Variants in DFFB observed in about 807,000 individuals in gnomAD.
DFFB encodes the protein DNA fragmentation factor subunit beta.
DFFB carries 29 observed loss-of-function variants against 32.7 expected under a neutral mutation model. That is an observed-to-expected ratio of 0.89 (90% CI 0.66 to 1.21). DFFB has a LOEUF of 1.21. DFFB is among the 50% of genes most tolerant of loss of function. The pLI, the probability that DFFB is intolerant of heterozygous loss-of-function variation, is 0.00. For missense variants in DFFB, 398 were observed against 440.6 expected, an observed-to-expected ratio of 0.90 and a Z score of 0.87; for synonymous variants, 170 against 177.1, an observed-to-expected ratio of 0.96 and a Z score of 0.32.
intron 6 of DFFB, among the ~76,000 whole-genome samples, chr1:3,874,770 GCA>G (rs1557723960): frequency 2.1e-5 from 3 of 142,368 alleles, no homozygotes; most frequent in Non-Finnish European, 3.1e-5. Context: ...TTTACCACAC[GCA>G]TGTGAATTTA....
At chr1:3,870,637 A>G (rs565173985) in intron 5 of DFFB, among the ~76,000 whole-genome samples, 1 of 152,308 alleles carries the variant, frequency 6.6e-6, no homozygotes, top group Admixed American at 6.5e-5. Flanking sequence ...TGCACAATGG[A>G]AGGTGAAAGA....
chr1:3,859,775 T>C (rs1453107233), intron 2 of DFFB, among the ~76,000 whole-genome samples: 1 of 152,246 alleles, frequency 6.6e-6, no homozygotes, highest in East Asian at 1.9e-4. Context: ...AATGTATCAC[T>C]GTGATGCCCC....
At chr1:3,867,153 C>A (rs1299222992) in intron 3 of DFFB, among the ~76,000 whole-genome samples, 1 of 152,256 alleles carries the variant, frequency 6.6e-6, no homozygotes, top group Non-Finnish European at 1.5e-5. Context: ...GCCTCGGCCT[C>A]CCAAAGTGCT....
Position 3,868,034 on chromosome 1 carries a change from T to C in DFFB, c.491T>C (p.Ile164Thr). 1 of 1,614,070 alleles carries C rather than the reference T, an allele frequency of 6.2e-7. No individual in the cohort carries two copies. Among genetic ancestry groups the C allele is most frequent in the Non-Finnish European group, 8.5e-7 (1 of 1,179,970 alleles). The part of the protein sequence containing the change: ...GYLRYSCESR[I>T]RSYLREVSSY... ...CTGAGATACAGCTGTGAGAGCCGGATCCGGAGTTACCTGAGGGAGGTGAGC... is the reference window on the plus strand; with the variant it reads ...CTGAGATACAGCTGTGAGAGCCGGACCCGGAGTTACCTGAGGGAGGTGAGC... The change falls in exon 4 of 7, where the codon ATC (isoleucine) becomes ACC (threonine). Residue 164 changes from isoleucine (I) to threonine (T), a missense_variant. Transcript: ENST00000378209.
chr1:3,883,564 T>C lies in DFFB; in HGVS notation c.840T>C (p.Asp280=). The C allele has an allele frequency of 1.2e-6, 2 of 1,614,174 alleles. No individual in the cohort carries two copies. Among genetic ancestry groups the C allele is most frequent in the Non-Finnish European group, 1.7e-6 (2 of 1,180,032 alleles). ...TGGTGGAAGCAATTAAGGAACAAGATGGAAGAGAAGTGGACTGGGAGTATT... is the reference window on the plus strand; with the variant it reads ...TGGTGGAAGCAATTAAGGAACAAGACGGAAGAGAAGTGGACTGGGAGTATT... The part of the protein sequence containing the change: ...PTLVEAIKEQ[D]GREVDWEYFY... Residue 280 remains aspartate, a synonymous_variant, in exon 7 of 7, where the codon GAT becomes GAC. Transcript: ENST00000378209.
chr1:3,857,685 G>A lies in DFFB; in HGVS notation c.82G>A (p.Glu28Lys). ...KFGVAGRSCQ[E>K]VLRKGCLRFQ... ...CGGCGTGGCTGGCCGGAGCTGCCAG[G>A]AGGTGCTGCGCAAGGGCTGTCTCCG... Residue 28 changes from glutamate to lysine, a missense_variant, in exon 1 of 7, where the codon GAG (glutamate) becomes AAG (lysine). Glu to Lys is a moderately conservative substitution (Grantham distance 56). Coordinates refer to ENST00000378209, the MANE Select transcript of DFFB (RefSeq NM_004402.4). The A allele has an allele frequency of 6.3e-7, 1 of 1,582,996 alleles. No individual in the cohort carries two copies. The highest frequency in any genetic ancestry group is 8.6e-7 in the Non-Finnish European group (1 of 1,165,780).
chr1:3,877,555 T>C (rs1046096398), intron 6 of DFFB, among the ~76,000 whole-genome samples: 1 of 151,854 alleles, frequency 6.6e-6, no homozygotes, highest in African/African-American at 2.4e-5. Context: ...GTCTCGAACT[T>C]CTGACCTCAA....
intron 2 of DFFB, among the ~76,000 whole-genome samples, chr1:3,861,798 G>A (rs560407834): frequency 3.9e-5 from 6 of 152,322 alleles, no homozygotes; most frequent in Admixed American, 1.3e-4. Flanking sequence ...ACAGTGCTGC[G>A]TTGTGTGGTG....
At position 3,858,741 on chromosome 1, in the gene DFFB, G is replaced by A; in HGVS notation, c.138G>A (p.Leu46=). The change falls in exon 2 of 7, where the codon CTG becomes CTA. Residue 46 remains leucine, a synonymous_variant. Transcript: ENST00000378209. Reference sequence around the variant, plus strand: ...AGCTCCCTGAGCGCGGTTCCCGGCTGTGCCTGTACGAGGATGGCACGGAGC... The same window carrying A: ...AGCTCCCTGAGCGCGGTTCCCGGCTATGCCTGTACGAGGATGGCACGGAGC... ...RFQLPERGSR[L]CLYEDGTELT... 6.2e-7 allele frequency: 1 copy of A among 1,614,146 alleles called. No homozygotes were observed. The highest frequency in any genetic ancestry group is 8.5e-7 in the Non-Finnish European group (1 of 1,180,040).
Position 3,872,562 on chromosome 1 carries a change from C to G in DFFB, c.772C>G (p.Leu258Val), listed in dbSNP as rs762248280. Residue 258 changes from leucine (L) to valine (V), a missense_variant, in exon 6 of 7, where the codon CTG becomes GTG. Coordinates refer to ENST00000378209, the MANE Select transcript of DFFB (RefSeq NM_004402.4). ...CAGGATCCTCTTCAGCACCTGGAACCTGGATCACATGTAAGCTCACAGAGC... is the reference window on the plus strand; with the variant it reads ...CAGGATCCTCTTCAGCACCTGGAACGTGGATCACATGTAAGCTCACAGAGC... Reference protein sequence around the residue: ...ESRILFSTWNLDHIIEKKRTI... With the variant: ...ESRILFSTWNVDHIIEKKRTI... The G allele has an allele frequency of 5.6e-6, 9 of 1,613,150 alleles. No homozygotes were observed. Among genetic ancestry groups the G allele is most frequent in the East Asian group, 4.5e-5 (2 of 44,886 alleles).
intron 6 of DFFB, among the ~76,000 whole-genome samples, chr1:3,881,092 T>A (rs1645327734): frequency 6.6e-6 from 1 of 152,182 alleles, no homozygotes; most frequent in Admixed American, 6.5e-5. Flanking sequence ...AAGGCAACAC[T>A]GAGCTAACAG....
intron 5 of DFFB, among the ~76,000 whole-genome samples, chr1:3,870,083 G>C (rs1027662676): frequency 2.0e-5 from 3 of 152,260 alleles, no homozygotes; most frequent in Non-Finnish European, 4.4e-5. Flanking sequence ...TGCTGGGGAG[G>C]CTGGAACGGC....
chr1:3,868,154 C>T (rs1301089844), intron 4 of DFFB, 101 bp downstream of exon 4: 3 of 1,059,950 alleles, frequency 2.8e-6, no homozygotes, highest in Non-Finnish European at 2.9e-6. Context: ...TTGGTAGGAC[C>T]ACACTCCGTG....
intron 6 of DFFB, among the ~76,000 whole-genome samples, chr1:3,879,398 C>T (rs1049610876): frequency 1.3e-5 from 2 of 152,148 alleles, no homozygotes; most frequent in Non-Finnish European, 2.9e-5. Flanking sequence ...CATCATGTTC[C>T]CCAAGATTCG....
In DFFB at chr1:3,869,603, A is replaced by G; in HGVS notation, c.511-2A>G. ...CTCACCGACGTTCCTTGGTTCCTCC[A>G]GGTGAGCTCCTACCCCTCCACGGTG... On this transcript the variant is annotated splice_acceptor_variant, in intron 4 of 6. Coordinates refer to ENST00000378209, the MANE Select transcript of DFFB (RefSeq NM_004402.4). LOFTEE classifies it high-confidence loss of function. The G allele has an allele frequency of 6.2e-7, 1 of 1,604,984 alleles. No homozygotes were observed. The highest frequency in any genetic ancestry group is 8.5e-7 in the Non-Finnish European group (1 of 1,175,838).
At chr1:3,868,159 T>G in intron 4 of DFFB, 106 bp downstream of exon 4, 3 of 1,018,204 alleles carry the variant, frequency 2.9e-6, no homozygotes, top group Admixed American at 1.7e-5. Flanking sequence ...AGGACCACAC[T>G]CCGTGCTTGC....
At chr1:3,882,464 A>G (rs1645359937) in intron 6 of DFFB, among the ~76,000 whole-genome samples, 1 of 151,838 alleles carries the variant, frequency 6.6e-6, no homozygotes. Context: ...TCCAGGGTTC[A>G]AGCAGTTATC....
At chr1:3,877,729 T>C (rs994347817) in intron 6 of DFFB, among the ~76,000 whole-genome samples, 1 of 152,220 alleles carries the variant, frequency 6.6e-6, no homozygotes, top group Non-Finnish European at 1.5e-5. Context: ...TTCGTGTTTG[T>C]GTTCAGTGTC....
At chr1:3,873,087 T>C (rs1232477953) in intron 6 of DFFB, 12 of 878,226 alleles carry the variant, frequency 1.4e-5, no homozygotes, top group Non-Finnish European at 1.9e-5. Context: ...CCTGAACTCC[T>C]GGCCTCAAGC....
Sources: allele counts gnomAD v4.1 joint callset (sites outside exome capture counted in the v4.1 genomes callset), GRCh38; gene constraint gnomAD v4.1.1; transcripts MANE v1.5; gene names NCBI Gene and HGNC (gene_info 2026-07-23, HGNC 2026-07-21).